NAALADL2: variants seen among roughly 807,000 people sequenced by gnomAD.
The protein encoded by NAALADL2 is inactive N-acetylated-alpha-linked acidic dipeptidase-like protein 2.
A neutral mutation model predicts 87.2 loss-of-function variants in NAALADL2; 76 were observed. That is an observed-to-expected ratio of 0.87 (90% CI 0.72 to 1.05). The LOEUF (loss-of-function observed/expected upper bound fraction) is 1.05. NAALADL2 is among the 50% of genes least tolerant of loss of function. NAALADL2 has a pLI of 0.00. For synonymous variants in NAALADL2, 354 were observed against 331.0 expected, an observed-to-expected ratio of 1.07 and a Z score of -0.75; for missense variants, 1,089 against 945.8, an observed-to-expected ratio of 1.15 and a Z score of -1.99.
intron 13 of NAALADL2, among the ~76,000 whole-genome samples, chr3:175,794,269 T>G (rs1753181627): frequency 6.6e-6 from 1 of 151,708 alleles, no homozygotes; most frequent in Non-Finnish European, 1.5e-5. Flanking sequence ...TCCAAATAAG[T>G]AAAGAAAGAA....
At chr3:174,746,916 C>T (rs773424682) in intron 3 of NAALADL2, among the ~76,000 whole-genome samples, 23 of 152,078 alleles carry the variant, frequency 1.5e-4, no homozygotes, top group Non-Finnish European at 2.4e-4. Flanking sequence ...ACAGCTTATA[C>T]AAACATTAAA....
In NAALADL2 at chr3:175,478,001, T is replaced by C. The variant is rs566757946; in HGVS notation, c.1653+6243T>C. ...CTCCGCTCTTGATGATTTAATTCAG[T>C]ACTGAAACAAAGCTTAATTTCTTTT... On this transcript the variant is annotated intron_variant, in intron 9 of 13. Coordinates refer to ENST00000454872, the MANE Select transcript of NAALADL2 (RefSeq NM_207015.3). 6.4e-4 allele frequency among the ~76,000 whole-genome samples: 98 copies of C among 152,246 alleles called. No homozygotes were observed. In the South Asian group the frequency reaches 0.014, roughly 22 times the overall value.
At chr3:175,486,697 T>A (rs1051282148) in intron 9 of NAALADL2, among the ~76,000 whole-genome samples, 1 of 152,174 alleles carries the variant, frequency 6.6e-6, no homozygotes, top group South Asian at 2.1e-4. Flanking sequence ...AGAAACGATA[T>A]GAGTGCCATA....
chr3:175,647,711 A>G (rs1216672571), intron 11 of NAALADL2, among the ~76,000 whole-genome samples: 2 of 152,178 alleles, frequency 1.3e-5, no homozygotes, highest in African/African-American at 4.8e-5. Context: ...ATGTTTGTGA[A>G]GTGCTTTACA....
intron 2 of NAALADL2, among the ~76,000 whole-genome samples, chr3:175,108,545 T>A (rs1723631712): frequency 6.6e-6 from 1 of 151,908 alleles, no homozygotes; most frequent in Non-Finnish European, 1.5e-5. Flanking sequence ...CAAGTGTGGG[T>A]GTTTTCTCTC....
chr3:175,679,441 A>G (rs1735294197), intron 11 of NAALADL2, among the ~76,000 whole-genome samples: 1 of 152,176 alleles, frequency 6.6e-6, no homozygotes, highest in Admixed American at 6.5e-5. Flanking sequence ...CTAAAGTAAG[A>G]AAGAAAATTA....
chr3:175,236,519 AC>A (rs1396996671), intron 3 of NAALADL2, among the ~76,000 whole-genome samples: 3 of 148,420 alleles, frequency 2.0e-5, no homozygotes, highest in Non-Finnish European at 3.0e-5. Flanking sequence ...TTGCACTGCA[AC>A]CTGGGCAACA....
intron 3 of NAALADL2, among the ~76,000 whole-genome samples, chr3:174,852,130 A>G (rs572950061): frequency 1.3e-4 from 20 of 152,150 alleles, no homozygotes; most frequent in Non-Finnish European, 2.6e-4. Context: ...GAGTGGGAAA[A>G]ACTGAAAGCC....
chr3:174,704,461 A>C (rs949145382), intron 2 of NAALADL2, among the ~76,000 whole-genome samples: 6 of 152,164 alleles, frequency 3.9e-5, no homozygotes, highest in Non-Finnish European at 8.8e-5. Flanking sequence ...TATTTAAATT[A>C]ATACTGAATT....
chr3:174,547,335 A>G (rs935252745), intron 1 of NAALADL2, among the ~76,000 whole-genome samples: 1 of 152,176 alleles, frequency 6.6e-6, no homozygotes, highest in African/African-American at 2.4e-5. Context: ...GTTGATTACC[A>G]GTAATTTACA....
intron 4 of NAALADL2, 33 bp downstream of exon 4, chr3:175,256,563 T>C: frequency 6.3e-7 from 1 of 1,598,792 alleles, no homozygotes; most frequent in Non-Finnish European, 8.5e-7. Flanking sequence ...AGTGGTTTGG[T>C]CAATATTTTG....
At chr3:175,285,535 T>C (rs1354438369) in intron 4 of NAALADL2, among the ~76,000 whole-genome samples, 10 of 152,188 alleles carry the variant, frequency 6.6e-5, no homozygotes, top group Admixed American at 5.9e-4. Context: ...CCTGATAGTG[T>C]GACTCATTCA....
chr3:175,100,323 A>G (rs1003004721), intron 2 of NAALADL2, among the ~76,000 whole-genome samples: 9 of 152,282 alleles, frequency 5.9e-5, no homozygotes, highest in Admixed American at 5.9e-4. Flanking sequence ...GAATGGAGAA[A>G]GTGAAGCATT....
chr3:175,629,745 C>A (rs916001528), intron 11 of NAALADL2, among the ~76,000 whole-genome samples: 1 of 151,584 alleles, frequency 6.6e-6, no homozygotes, highest in Admixed American at 6.6e-5. Flanking sequence ...GAGAACATGT[C>A]GGGAAGCAAG....
At position 175,751,191 on chromosome 3, in the gene NAALADL2, C is replaced by T. The variant is rs183038360; in HGVS notation, c.1991-4029C>T. Among the ~76,000 whole-genome samples, 8 of 152,194 alleles carry T rather than the reference C, an allele frequency of 5.3e-5. No individual in the cohort carries two copies. The East Asian group carries it at 1.5e-3, about 29-fold the overall frequency. On this transcript the variant is annotated intron_variant, in intron 12 of 13. Coordinates refer to ENST00000454872, the MANE Select transcript of NAALADL2 (RefSeq NM_207015.3). ...ATCTAAAAGAATCCTTTTTAAAGTT[C>T]ACCGTTTAATTCCTTTATCCTTTAT...
chr3:174,463,512 A>G (rs1716334469), intron 1 of NAALADL2, among the ~76,000 whole-genome samples: 1 of 152,128 alleles, frequency 6.6e-6, no homozygotes, highest in Non-Finnish European at 1.5e-5. Flanking sequence ...CATAGGTTGA[A>G]TGAAGAATAC....
chr3:175,081,995 C>A (rs1315492625), intron 1 of NAALADL2, among the ~76,000 whole-genome samples: 2 of 152,050 alleles, frequency 1.3e-5, no homozygotes, highest in Non-Finnish European at 2.9e-5. Context: ...TCTCACAGTG[C>A]CCTATAACCA....
At chr3:175,360,810 CTG>C (rs746890254) in intron 5 of NAALADL2, among the ~76,000 whole-genome samples, 6 of 109,824 alleles carry the variant, frequency 5.5e-5, no homozygotes, top group South Asian at 2.9e-4. Context: ...TAATATTCCA[CTG>C]TGTGTGTGTG....
At chr3:175,018,306 A>T (rs1411383191) in intron 1 of NAALADL2, among the ~76,000 whole-genome samples, 1 of 152,006 alleles carries the variant, frequency 6.6e-6, no homozygotes, top group Non-Finnish European at 1.5e-5. Context: ...GCTCTTGCAG[A>T]CATCTCTGAA....
Sources: allele counts gnomAD v4.1 joint callset (sites outside exome capture counted in the v4.1 genomes callset), GRCh38; gene constraint gnomAD v4.1.1; transcripts MANE v1.5; gene names NCBI Gene and HGNC (gene_info 2026-07-23, HGNC 2026-07-21).